The following GRIN2A variants were observed in gnomAD, a reference collection of about 807,000 sequenced individuals.
GRIN2A encodes the protein glutamate receptor ionotropic, NMDA 2A.
In GRIN2A, 22 loss-of-function variants were observed where a neutral mutation model predicts 113.4. The observed-to-expected ratio is 0.19, with a 90% CI of 0.14 to 0.28. GRIN2A has a LOEUF of 0.28. Among genes scored for constraint, GRIN2A ranks in the 10% least tolerant of loss-of-function variants. The probability of loss-of-function intolerance (pLI) is 1.00; values close to 1 mark genes in which losing one functional copy is unlikely to be tolerated. For synonymous variants in GRIN2A, 827 were observed against 738.4 expected, an observed-to-expected ratio of 1.12 and a Z score of -1.94; for missense variants, 1,502 against 1,887.0, an observed-to-expected ratio of 0.80 and a Z score of 3.78.
intron 2 of GRIN2A, among the ~76,000 whole-genome samples, chr16:10,157,597 GAC>G (rs1186633497): frequency 6.6e-6 from 1 of 152,192 alleles, no homozygotes; most frequent in Non-Finnish European, 1.5e-5. Context: ...TTCACGGGGA[GAC>G]AGGAAAGAGT....
intron 1 of GRIN2A, among the ~76,000 whole-genome samples, chr16:10,181,200 C>A (rs1490141843): frequency 6.7e-6 from 1 of 149,228 alleles, no homozygotes; most frequent in Non-Finnish European, 1.5e-5. Context: ...CACACACGTG[C>A]ACACACACAC....
At chr16:10,089,920 T>A (rs993847140) in intron 2 of GRIN2A, among the ~76,000 whole-genome samples, 3 of 152,194 alleles carry the variant, frequency 2.0e-5, no homozygotes, top group African/African-American at 7.2e-5. Context: ...GTAGTAGTGA[T>A]CATATCAGAG....
At chr16:10,174,870 T>A (rs1596581026) in intron 2 of GRIN2A, among the ~76,000 whole-genome samples, 2 of 149,508 alleles carry the variant, frequency 1.3e-5, no homozygotes, top group Non-Finnish European at 3.0e-5. Flanking sequence ...ACATGGAGAA[T>A]TGATTGAGAA....
At chr16:9,933,199 A>G (rs1047545768) in intron 3 of GRIN2A, among the ~76,000 whole-genome samples, 1 of 152,204 alleles carries the variant, frequency 6.6e-6, no homozygotes, top group African/African-American at 2.4e-5. Context: ...AACATGAAGA[A>G]AATGTCCCCC....
chr16:9,977,166 C>G lies in GRIN2A; in HGVS notation c.415-38615G>C, dbSNP rs2045790898. On this transcript the variant is annotated intron_variant, in intron 2 of 12. Coordinates refer to ENST00000330684, the MANE Select transcript of GRIN2A (RefSeq NM_001134407.3). ...AACAAGCCAGGTGTGGGGACACATG[C>G]CTGTAATCCCAGCTACTTGGGAGGC... Among the ~76,000 whole-genome samples the G allele has an allele frequency of 2.6e-5, 4 of 152,112 alleles. No individual in the cohort carries two copies. The South Asian group carries it at 8.3e-4, about 32-fold the overall frequency.
intron 2 of GRIN2A, among the ~76,000 whole-genome samples, chr16:9,953,785 GGCTGAAAGGT>G (rs2045238234): frequency 6.6e-6 from 1 of 152,250 alleles, no homozygotes; most frequent in Non-Finnish European, 1.5e-5. Context: ...GGAAGACAAA[GGCTGAAAGGT>G]ACTGCTGTGT....
intron 2 of GRIN2A, among the ~76,000 whole-genome samples, chr16:10,100,273 C>G (rs1469349907): frequency 2.0e-5 from 3 of 152,092 alleles, no homozygotes; most frequent in Admixed American, 6.5e-5. Flanking sequence ...ACAACATGAT[C>G]GGGTTTGCAT....
intron 10 of GRIN2A, among the ~76,000 whole-genome samples, chr16:9,804,534 C>T (rs1042177191): frequency 2.0e-5 from 3 of 152,036 alleles, no homozygotes; most frequent in South Asian, 2.1e-4. Context: ...GGCAGGAGGA[C>T]GTTCAGAGGT....
chr16:9,889,380 C>T (rs934598958), intron 4 of GRIN2A, among the ~76,000 whole-genome samples: 32 of 151,972 alleles, frequency 2.1e-4, no homozygotes, highest in Admixed American at 1.6e-3. Context: ...TTATTGCTAG[C>T]GACTGTGAAT....
intron 3 of GRIN2A, among the ~76,000 whole-genome samples, chr16:9,930,292 C>T (rs936406527): frequency 2.0e-5 from 3 of 152,124 alleles, no homozygotes; most frequent in Non-Finnish European, 2.9e-5. Context: ...TATCATCCTC[C>T]CTATTCTTGG....
intron 2 of GRIN2A, among the ~76,000 whole-genome samples, chr16:10,093,757 A>T (rs2048230911): frequency 6.6e-6 from 1 of 152,034 alleles, no homozygotes; most frequent in African/African-American, 2.4e-5. Flanking sequence ...ACAGTTCCTC[A>T]CCTCTTGACT....
At chr16:10,045,009 T>A (rs2047233992) in intron 2 of GRIN2A, among the ~76,000 whole-genome samples, 1 of 152,202 alleles carries the variant, frequency 6.6e-6, no homozygotes, top group Non-Finnish European at 1.5e-5. Flanking sequence ...AATAAAACAT[T>A]TACCGTACAT....
intron 9 of GRIN2A, among the ~76,000 whole-genome samples, chr16:9,826,679 T>C (rs1295903942): frequency 6.6e-6 from 1 of 152,230 alleles, no homozygotes; most frequent in Non-Finnish European, 1.5e-5. Context: ...ATTTTGCTGT[T>C]TATCTCATTG....
intron 2 of GRIN2A, among the ~76,000 whole-genome samples, chr16:9,941,202 T>C (rs963768092): frequency 6.6e-6 from 1 of 152,134 alleles, no homozygotes; most frequent in African/African-American, 2.4e-5. Context: ...CTTGGGAAGA[T>C]TGGTACTGGT....
intron 11 of GRIN2A, among the ~76,000 whole-genome samples, chr16:9,772,091 T>A (rs1211099174): frequency 6.6e-6 from 1 of 152,122 alleles, no homozygotes. Context: ...CAAAAATGGG[T>A]GCTGATCAAT....
At chr16:9,790,522 A>T (rs914205968) in intron 11 of GRIN2A, among the ~76,000 whole-genome samples, 1 of 152,220 alleles carries the variant, frequency 6.6e-6, no homozygotes, top group Non-Finnish European at 1.5e-5. Context: ...TATGTGCCTC[A>T]TATGCATATT....
At chr16:9,998,965 G>C (rs562893112) in intron 2 of GRIN2A, among the ~76,000 whole-genome samples, 1 of 152,200 alleles carries the variant, frequency 6.6e-6, no homozygotes, top group Non-Finnish European at 1.5e-5. Context: ...AATATACAAA[G>C]AATCCTTATT....
chr16:9,983,356 T>C (rs1040358987), intron 2 of GRIN2A, among the ~76,000 whole-genome samples: 1 of 152,154 alleles, frequency 6.6e-6, no homozygotes. Flanking sequence ...TGATATTTGG[T>C]TTTTTGTGCC....
chr16:9,798,492 T>C (rs1903142125), intron 10 of GRIN2A, 28 bp from the exon 11 acceptor site: 6 of 1,603,504 alleles, frequency 3.7e-6, no homozygotes, highest in Non-Finnish European at 5.1e-6. Flanking sequence ...CAGGGGGTCA[T>C]AGGGGTGGCC....
Sources: gnomAD v4.1 joint callset for allele counts (sites outside exome capture counted in the v4.1 genomes callset) on GRCh38, gnomAD v4.1.1 for gene constraint, MANE v1.5 for transcripts, NCBI Gene and HGNC (gene_info 2026-07-23, HGNC 2026-07-21) for gene names.